The following PDLIM5 variants were observed in gnomAD, a reference collection of about 807,000 sequenced individuals.
The protein encoded by PDLIM5 is PDZ and LIM domain 5.
PDLIM5 carries 34 observed loss-of-function variants against 64.2 expected under a neutral mutation model. The ratio of observed to expected loss-of-function variants is 0.53; its 90% confidence interval spans 0.40 to 0.71. The LOEUF is 0.71. Ranked by LOEUF, PDLIM5 falls within the 30% of genes least tolerant of loss-of-function variation. PDLIM5 has a pLI of 0.00. For synonymous variants in PDLIM5, 253 were observed against 269.1 expected, an observed-to-expected ratio of 0.94 and a Z score of 0.59; for missense variants, 683 against 733.6, an observed-to-expected ratio of 0.93 and a Z score of 0.80.
chr4:94,507,547 A>G (rs1728494960), intron 2 of PDLIM5, among the ~76,000 whole-genome samples: 1 of 152,246 alleles, frequency 6.6e-6, no homozygotes, highest in African/African-American at 2.4e-5. Flanking sequence ...ATTTGCTGAA[A>G]GAATGGAACC....
intron 2 of PDLIM5, among the ~76,000 whole-genome samples, chr4:94,461,553 A>G (rs974294528): frequency 3.3e-5 from 5 of 152,090 alleles, no homozygotes; most frequent in African/African-American, 4.8e-5. Flanking sequence ...TAAACTAAGA[A>G]TGGACAAAGC....
intron 2 of PDLIM5, among the ~76,000 whole-genome samples, chr4:94,496,072 A>G (rs1006260730): frequency 2.0e-5 from 3 of 152,040 alleles, no homozygotes; most frequent in Admixed American, 1.3e-4. Flanking sequence ...AAAAAAACCA[A>G]AAAACAAGGT....
intron 4 of PDLIM5, 113 bp downstream of exon 4, chr4:94,573,506 A>G: frequency 1.1e-6 from 1 of 900,706 alleles, no homozygotes; most frequent in Non-Finnish European, 1.9e-6. Flanking sequence ...TAGTCTCAGT[A>G]CAATTTTCCT....
intron 3 of PDLIM5, among the ~76,000 whole-genome samples, chr4:94,549,583 A>G (rs1202963370): frequency 6.6e-6 from 1 of 152,214 alleles, no homozygotes; most frequent in Non-Finnish European, 1.5e-5. Context: ...AACAATATGT[A>G]TTATTATGAA....
In PDLIM5 at chr4:94,477,638, T is replaced by C. The variant is rs115406016; in HGVS notation, c.96+22254T>C. ...GTAATGAAACAAAAAAGTTAATACATTTTGGCTTATGGTTTTATGTATACA... is the reference window on the plus strand; with the variant it reads ...GTAATGAAACAAAAAAGTTAATACACTTTGGCTTATGGTTTTATGTATACA... On this transcript the variant is annotated intron_variant, in intron 2 of 12. Transcript: ENST00000317968. 9.1e-3 allele frequency among the ~76,000 whole-genome samples: 1,387 copies of C among 152,244 alleles called. 25 individuals are homozygous for C. The highest frequency in any genetic ancestry group is 0.031 in the African/African-American group (1,289 of 41,536).
intron 3 of PDLIM5, among the ~76,000 whole-genome samples, chr4:94,546,833 C>T (rs563144767): frequency 1.3e-5 from 2 of 150,176 alleles, no homozygotes; most frequent in Non-Finnish European, 3.0e-5. Flanking sequence ...GACATTAGGC[C>T]CCCCCCACCT....
intron 7 of PDLIM5, among the ~76,000 whole-genome samples, chr4:94,590,840 G>A (rs942444137): frequency 2.6e-5 from 4 of 152,146 alleles, no homozygotes; most frequent in African/African-American, 9.7e-5. Flanking sequence ...TTTTAAATGG[G>A]AAATTATTAT....
chr4:94,463,318 A>G (rs950968555), intron 2 of PDLIM5, among the ~76,000 whole-genome samples: 1 of 152,208 alleles, frequency 6.6e-6, no homozygotes, highest in Non-Finnish European at 1.5e-5. Flanking sequence ...GACTCCCCCA[A>G]AACTTAGCTA....
chr4:94,539,751 T>C (rs1400281048), intron 3 of PDLIM5, among the ~76,000 whole-genome samples: 1 of 152,090 alleles, frequency 6.6e-6, no homozygotes, highest in Non-Finnish European at 1.5e-5. Flanking sequence ...TGGTTGATAG[T>C]AGGAGGAAAG....
intron 8 of PDLIM5, among the ~76,000 whole-genome samples, chr4:94,627,428 G>T (rs1243110506): frequency 6.6e-6 from 1 of 152,128 alleles, no homozygotes; most frequent in Non-Finnish European, 1.5e-5. Flanking sequence ...TTCTCTTTCT[G>T]AGATTAAAAT....
At chr4:94,476,024 G>A (rs952366113) in intron 2 of PDLIM5, among the ~76,000 whole-genome samples, 2 of 152,032 alleles carry the variant, frequency 1.3e-5, no homozygotes, top group Non-Finnish European at 2.9e-5. Flanking sequence ...TTGCTCTTAG[G>A]TCATTTCAAC....
chr4:94,508,515 C>T (rs997192466), intron 2 of PDLIM5, among the ~76,000 whole-genome samples: 14 of 152,114 alleles, frequency 9.2e-5, no homozygotes, highest in Non-Finnish European at 1.6e-4. Flanking sequence ...TGTTGCCATA[C>T]GTCCTGGGGC....
At chr4:94,467,510 C>A (rs998596344) in intron 2 of PDLIM5, among the ~76,000 whole-genome samples, 1 of 152,034 alleles carries the variant, frequency 6.6e-6, no homozygotes, top group Non-Finnish European at 1.5e-5. Flanking sequence ...GACAGGGTTT[C>A]ATCATTTTGG....
At position 94,665,998 on chromosome 4, in the gene PDLIM5, T is replaced by C. The variant is rs1372200406; in HGVS notation, c.*1931T>C. 2.0e-6 allele frequency: 3 copies of C among 1,533,242 alleles called. No individual in the cohort carries two copies. The Admixed American group carries it at 5.9e-5, about 30-fold the overall frequency. 95.0% of individuals were successfully genotyped at this position (1,533,242 alleles called of 1,614,324 possible). On this transcript the variant is annotated 3_prime_UTR_variant, in exon 13 of 13. Transcript: ENST00000317968. Reference sequence around the variant, plus strand: ...CAGTGAGAAAACAGATTCTGGTATTTGATTTGGTTTTTCTCTTTGTTTCCA... The same window carrying C: ...CAGTGAGAAAACAGATTCTGGTATTCGATTTGGTTTTTCTCTTTGTTTCCA...
At chr4:94,525,639 G>A (rs1308013647) in intron 3 of PDLIM5, among the ~76,000 whole-genome samples, 1 of 152,006 alleles carries the variant, frequency 6.6e-6, no homozygotes, top group Non-Finnish European at 1.5e-5. Context: ...GTATCAATTT[G>A]GTATTAAAAC....
intron 7 of PDLIM5, among the ~76,000 whole-genome samples, chr4:94,604,231 C>T (rs138150883): frequency 6.6e-6 from 1 of 152,266 alleles, no homozygotes; most frequent in African/African-American, 2.4e-5. Context: ...TTGAGCCAGA[C>T]ACTAAGTAAA....
At chr4:94,540,105 C>A (rs1560688573) in intron 3 of PDLIM5, among the ~76,000 whole-genome samples, 1 of 151,300 alleles carries the variant, frequency 6.6e-6, no homozygotes, top group East Asian at 1.9e-4. Flanking sequence ...TTCAAGAACT[C>A]TGTGAGGCAT....
chr4:94,543,115 G>T (rs1727247097), intron 3 of PDLIM5, among the ~76,000 whole-genome samples: 1 of 152,056 alleles, frequency 6.6e-6, no homozygotes, highest in Non-Finnish European at 1.5e-5. Flanking sequence ...TACGATACTA[G>T]TTTCCTGTGA....
At chr4:94,597,478 A>AG (rs1737155465) in intron 7 of PDLIM5, among the ~76,000 whole-genome samples, 1 of 152,184 alleles carries the variant, frequency 6.6e-6, no homozygotes, top group Non-Finnish European at 1.5e-5. Context: ...TAAGTAAAAA[A>AG]CAGAAGTGAT....
Sources: allele counts gnomAD v4.1 joint callset (sites outside exome capture counted in the v4.1 genomes callset), GRCh38; gene constraint gnomAD v4.1.1; transcripts MANE v1.5; gene names NCBI Gene and HGNC (gene_info 2026-07-23, HGNC 2026-07-21).